Variants in ANKRD17 observed in about 807,000 individuals in gnomAD.
The protein encoded by ANKRD17 is ankyrin repeat domain-containing protein 17.
In ANKRD17, 19 loss-of-function variants were observed where a neutral mutation model predicts 229.7. The observed-to-expected ratio is 0.08, with a 90% CI of 0.06 to 0.12. ANKRD17 has a LOEUF of 0.12. ANKRD17 is among the 10% of genes least tolerant of loss of function. ANKRD17 has a pLI of 1.00. For missense variants in ANKRD17, 2,176 were observed against 3,176.8 expected (o/e 0.68, Z 7.57); for synonymous variants, 1,112 against 1,146.1 (o/e 0.97, Z 0.60).
chr4:73,139,482 G>A, intron 15 of ANKRD17, 49 bp downstream of exon 15: 2 of 1,539,548 alleles, frequency 1.3e-6, no homozygotes, highest in Non-Finnish European at 8.7e-7. Context: ...ATTCTTACTC[G>A]CCTTAAGCAA....
intron 7 of ANKRD17, among the ~76,000 whole-genome samples, chr4:73,149,489 T>TG (rs1207109396): frequency 6.6e-6 from 1 of 151,932 alleles, no homozygotes; most frequent in African/African-American, 2.4e-5. Context: ...TTTGGAGAAG[T>TG]GGGGGAAGGA....
At chr4:73,138,869 A>G (rs1247125792) in intron 15 of ANKRD17, among the ~76,000 whole-genome samples, 1 of 152,140 alleles carries the variant, frequency 6.6e-6, no homozygotes, top group Non-Finnish European at 1.5e-5. Context: ...TAATCGAATA[A>G]AATTTATCTG....
chr4:73,202,010 G>A (rs1211944805), intron 1 of ANKRD17, among the ~76,000 whole-genome samples: 1 of 152,058 alleles, frequency 6.6e-6, no homozygotes, highest in Non-Finnish European at 1.5e-5. Context: ...TAAACAGAAA[G>A]GGCTACAAAG....
rs111253693 is a variant in ANKRD17 at position 73,144,155 on chromosome 4, C to T, written c.1957+590G>A. ...TCAACTAGAACTTTCCTAGTAAGCA[C>T]GTTAAGAAACAATTTAAAGAAAGTA... is the stretch of plus-strand genomic sequence containing the variant. On this transcript the variant is annotated intron_variant, in intron 11 of 33. Transcript: ENST00000358602. Among the ~76,000 whole-genome samples the T allele has an allele frequency of 8.1e-3, 1,232 of 152,194 alleles. 19 individuals carry two copies. The highest frequency in any genetic ancestry group is 0.028 in the African/African-American group (1,155 of 41,522).
At chr4:73,076,879 A>G in intron 33 of ANKRD17, 61 bp downstream of exon 33, 1 of 1,528,256 alleles carries the variant, frequency 6.5e-7, no homozygotes, top group Non-Finnish European at 8.8e-7. Context: ...CCTGAATCCT[A>G]TTTGTCTTTG....
intron 1 of ANKRD17, among the ~76,000 whole-genome samples, chr4:73,182,673 C>A (rs1035672953): frequency 2.6e-5 from 4 of 152,146 alleles, no homozygotes; most frequent in Admixed American, 2.0e-4. Flanking sequence ...ATAAAGAATT[C>A]TTGTCCCCCC....
At chr4:73,125,975 C>T (rs1486622683) in intron 16 of ANKRD17, among the ~76,000 whole-genome samples, 1 of 152,028 alleles carries the variant, frequency 6.6e-6, no homozygotes, top group Non-Finnish European at 1.5e-5. Flanking sequence ...CTCTTTGAAA[C>T]GATGGTGTTT....
intron 2 of ANKRD17, among the ~76,000 whole-genome samples, chr4:73,176,964 C>A (rs1317988171): frequency 1.3e-5 from 2 of 152,126 alleles, no homozygotes; most frequent in Admixed American, 6.5e-5. Context: ...AGAGCTGAAA[C>A]AAGAATGTAG....
At chr4:73,082,019 G>A (rs562074475) in intron 30 of ANKRD17, among the ~76,000 whole-genome samples, 8 of 152,178 alleles carry the variant, frequency 5.3e-5, no homozygotes, top group African/African-American at 1.9e-4. Flanking sequence ...GCATGGTGGT[G>A]CACACCTGTA....
intron 1 of ANKRD17, among the ~76,000 whole-genome samples, chr4:73,208,255 CACA>C (rs1458178671): frequency 6.9e-6 from 1 of 144,282 alleles, no homozygotes; most frequent in African/African-American, 2.6e-5. Flanking sequence ...GAACATTCAA[CACA>C]ACAACTTCAG....
intron 1 of ANKRD17, among the ~76,000 whole-genome samples, chr4:73,237,563 A>C (rs1743619242): frequency 6.6e-6 from 1 of 152,174 alleles, no homozygotes; most frequent in African/African-American, 2.4e-5. Context: ...AAGGAAGAAA[A>C]GGTACAAGTG....
Position 73,154,121 on chromosome 4 carries a change from A to C in ANKRD17, c.1001-8T>G. ...ATGTAAGTGCTGTATTGCCTATTTT[A>C]ATTAGGAAAAATAAAAAGACATTAA... On this transcript the variant is annotated splice_region_variant and splice_polypyrimidine_tract_variant and intron_variant, in intron 5 of 33. Coordinates refer to ENST00000358602, the MANE Select transcript of ANKRD17 (RefSeq NM_032217.5). 1.3e-6 allele frequency: 2 copies of C among 1,520,782 alleles called. No individual in the cohort carries two copies. Among genetic ancestry groups the C allele is most frequent in the Middle Eastern group, 1.7e-4 (1 of 5,738 alleles). 94.2% of individuals were successfully genotyped at this position (1,520,782 alleles called of 1,614,324 possible). A position where few individuals can be genotyped will look rare whatever the true frequency, so the allele number is the denominator to read the frequency against.
intron 11 of ANKRD17, 144 bp from the exon 12 acceptor site, chr4:73,142,911 A>T: frequency 1.2e-6 from 1 of 843,528 alleles, no homozygotes; most frequent in Non-Finnish European, 1.7e-6. Context: ...TTATAAACAC[A>T]AGGCCAATCT....
intron 30 of ANKRD17, among the ~76,000 whole-genome samples, chr4:73,081,448 T>A (rs995670175): frequency 6.6e-6 from 1 of 152,162 alleles, no homozygotes; most frequent in African/African-American, 2.4e-5. Flanking sequence ...TCATTTTCCA[T>A]GAGAGTCCCT....
intron 1 of ANKRD17, among the ~76,000 whole-genome samples, chr4:73,241,160 T>C (rs1743996852): frequency 6.6e-6 from 1 of 152,120 alleles, no homozygotes; most frequent in Non-Finnish European, 1.5e-5. Flanking sequence ...ATTTGGTTTA[T>C]TGTTGTATTG....
At chr4:73,197,479 C>T (rs1223848664) in intron 1 of ANKRD17, among the ~76,000 whole-genome samples, 2 of 152,172 alleles carry the variant, frequency 1.3e-5, no homozygotes, top group African/African-American at 4.8e-5. Flanking sequence ...AATACTAGCA[C>T]ACTTAAGACA....
In ANKRD17 at chr4:73,139,402, C is replaced by T. The variant is rs527320443; in HGVS notation, c.3085+129G>A. 1,098 of 1,081,082 alleles carry T rather than the reference C, an allele frequency of 1.0e-3. 1 individual carries two copies. The highest frequency in any genetic ancestry group is 1.5e-3 in the Middle Eastern group (5 of 3,328). 67.0% of individuals were successfully genotyped at this position (1,081,082 alleles called of 1,614,324 possible). On this transcript the variant is annotated intron_variant, in intron 15 of 33. Transcript: ENST00000358602. Reference sequence around the variant, plus strand: ...GAGAACTTCTGAGATTGAACTAATACTTCTAAAGCTAGACATGAGTCAGTC... The same window carrying T: ...GAGAACTTCTGAGATTGAACTAATATTTCTAAAGCTAGACATGAGTCAGTC...
intron 7 of ANKRD17, among the ~76,000 whole-genome samples, chr4:73,149,803 T>C (rs1452691075): frequency 6.6e-6 from 1 of 152,110 alleles, no homozygotes; most frequent in Non-Finnish European, 1.5e-5. Flanking sequence ...AAGTTGAGGC[T>C]ATAGTGAGCT....
chr4:73,236,002 C>T (rs1173993145), intron 1 of ANKRD17, among the ~76,000 whole-genome samples: 2 of 151,930 alleles, frequency 1.3e-5, no homozygotes, highest in African/African-American at 2.4e-5. Context: ...CCACGCCCAA[C>T]CATAATTTAA....
Sources: allele counts gnomAD v4.1 joint callset (sites outside exome capture counted in the v4.1 genomes callset), GRCh38; gene constraint gnomAD v4.1.1; transcripts MANE v1.5; gene names NCBI Gene and HGNC (gene_info 2026-07-23, HGNC 2026-07-21).